Variants in RIMS2 observed in about 807,000 individuals in gnomAD.
RIMS2 encodes the protein regulating synaptic membrane exocytosis 2, also known as regulating synaptic membrane exocytosis protein 2.
Under a neutral mutation model 174.4 loss-of-function variants are expected in RIMS2, and 59 were observed. The ratio of observed to expected loss-of-function variants is 0.34; its 90% CI spans 0.27 to 0.42. The LOEUF (loss-of-function observed/expected upper bound fraction) is 0.42, where lower values mean the gene tolerates loss of function less well. RIMS2 is among the 10% of genes least tolerant of loss of function. The pLI, the probability that RIMS2 is intolerant of heterozygous loss-of-function variation, is 1.00. For missense variants in RIMS2, 1,620 were observed against 1,666.3 expected, an observed-to-expected ratio of 0.97 and a Z score of 0.48; for synonymous variants, 606 against 572.5, an observed-to-expected ratio of 1.06 and a Z score of -0.84.
At chr8:103,965,137 C>T (rs1405924693) in intron 15 of RIMS2, among the ~76,000 whole-genome samples, 1 of 152,084 alleles carries the variant, frequency 6.6e-6, no homozygotes, top group Non-Finnish European at 1.5e-5. Context: ...GTTGAATCTT[C>T]TGTCTTTTAC....
chr8:103,570,840 T>C (rs568359053), intron 1 of RIMS2, among the ~76,000 whole-genome samples: 26 of 152,162 alleles, frequency 1.7e-4, no homozygotes, highest in Admixed American at 3.3e-4. Flanking sequence ...GAGAACTCAA[T>C]ATTTCCAGAT....
At chr8:103,715,939 A>AT (rs1200078534) in intron 2 of RIMS2, among the ~76,000 whole-genome samples, 1 of 151,808 alleles carries the variant, frequency 6.6e-6, no homozygotes, top group Admixed American at 6.6e-5. Context: ...TTTCTTAAAC[A>AT]TTTTTCAGTT....
intron 19 of RIMS2, among the ~76,000 whole-genome samples, chr8:104,165,725 GTTAGT>G (rs1050452266): frequency 6.6e-6 from 1 of 151,530 alleles, no homozygotes; most frequent in Non-Finnish European, 1.5e-5. Context: ...ATATACTAAG[GTTAGT>G]TTAGATTCCA....
At chr8:103,728,490 C>T (rs992855596) in intron 2 of RIMS2, among the ~76,000 whole-genome samples, 2 of 152,006 alleles carry the variant, frequency 1.3e-5, no homozygotes, top group Non-Finnish European at 2.9e-5. Context: ...TGGAAGTGGT[C>T]ATTCTTGTCT....
chr8:104,093,024 C>T (rs13277316), intron 19 of RIMS2, among the ~76,000 whole-genome samples: 35,682 of 151,708 alleles, frequency 0.24, 4,499 homozygotes, highest in African/African-American at 0.33. Flanking sequence ...TCTTTTCTCT[C>T]GGCTTTTCTA....
At chr8:104,030,559 C>A (rs888188267) in intron 19 of RIMS2, among the ~76,000 whole-genome samples, 4 of 152,112 alleles carry the variant, frequency 2.6e-5, no homozygotes, top group African/African-American at 9.7e-5. Context: ...TCAATCTTAT[C>A]TATTACTTTT....
At chr8:103,975,233 T>A in intron 15 of RIMS2, 117 bp from the exon 18 acceptor site, 2 of 580,252 alleles carry the variant, frequency 3.4e-6, no homozygotes, top group Non-Finnish European at 6.0e-6. Flanking sequence ...ATACTTTATA[T>A]TTAATATATT....
At chr8:103,830,381 AAT>A (rs1238106611) in intron 3 of RIMS2, among the ~76,000 whole-genome samples, 1 of 152,146 alleles carries the variant, frequency 6.6e-6, no homozygotes, top group African/African-American at 2.4e-5. Flanking sequence ...TTAAAAATAA[AAT>A]ATCTTATTAT....
intron 4 of RIMS2, among the ~76,000 whole-genome samples, chr8:103,892,216 T>A (rs1594677357): frequency 6.6e-6 from 1 of 151,666 alleles, no homozygotes; most frequent in African/African-American, 2.4e-5. Context: ...TTTTTTTTTT[T>A]AATTTGAGAC....
Position 103,695,573 on chromosome 8 carries a change from T to A in RIMS2, c.177-1513T>A, listed in dbSNP as rs190196064. Among the ~76,000 whole-genome samples, 6 of 152,056 alleles carry A rather than the reference T, an allele frequency of 3.9e-5. No homozygotes were observed. The East Asian group carries it at 1.2e-3, about 29-fold the overall frequency. Reference sequence around the variant, plus strand: ...TTTCAAGAACTTCTTTTAAGTTCCATGCAGTGAAGGTCTACTGCCAATGAA... The same window carrying A: ...TTTCAAGAACTTCTTTTAAGTTCCAAGCAGTGAAGGTCTACTGCCAATGAA... On this transcript the variant is annotated intron_variant, in intron 1 of 23. Transcript: ENST00000504942.
At chr8:104,065,276 A>G (rs1196248681) in intron 19 of RIMS2, among the ~76,000 whole-genome samples, 2 of 152,136 alleles carry the variant, frequency 1.3e-5, no homozygotes, top group Non-Finnish European at 2.9e-5. Context: ...TATATAGGAT[A>G]TCAGAGCTGA....
Position 103,811,764 on chromosome 8 carries a change from T to A in RIMS2, c.698+45227T>A, listed in dbSNP as rs565655233. The stretch of plus-strand genomic sequence containing the variant: ...CCCAGCTGTTGCGAGGTTTTAGGTG[T>A]GGGAACTGCTCTTGCAAAACCTGCT... On this transcript the variant is annotated intron_variant, in intron 3 of 23. Coordinates refer to ENST00000504942, the Ensembl canonical transcript of RIMS2. Among the ~76,000 whole-genome samples the A allele has an allele frequency of 1.5e-4, 23 of 152,342 alleles. No homozygotes were observed. In the East Asian group the frequency reaches 4.2e-3, roughly 28 times the overall value.
At chr8:103,837,014 G>T (rs561158485) in intron 3 of RIMS2, among the ~76,000 whole-genome samples, 2 of 152,214 alleles carry the variant, frequency 1.3e-5, no homozygotes, top group African/African-American at 4.8e-5. Flanking sequence ...TTTTTATGAC[G>T]GTTAATACAA....
intron 1 of RIMS2, among the ~76,000 whole-genome samples, chr8:103,640,658 A>AT (rs2096209259): frequency 6.6e-6 from 1 of 151,826 alleles, no homozygotes. Context: ...ATATTTTGAG[A>AT]TTTTTCACTA....
At position 104,090,198 on chromosome 8, in the gene RIMS2, A is replaced by T. The variant is rs1235853006; in HGVS notation, c.3334+75583A>T. Reference sequence around the variant, plus strand: ...ACCTTTACACTATTATAACGCTGTGAAAAAAGGCATAAAACTACAGTATAG... The same window carrying T: ...ACCTTTACACTATTATAACGCTGTGTAAAAAGGCATAAAACTACAGTATAG... On this transcript the variant is annotated intron_variant, in intron 19 of 23. Transcript: ENST00000504942. Among the ~76,000 whole-genome samples the T allele has an allele frequency of 1.6e-4, 25 of 151,762 alleles. 1 individual carries two copies.
At chr8:103,686,487 G>A (rs796799603) in intron 1 of RIMS2, among the ~76,000 whole-genome samples, 1 of 152,236 alleles carries the variant, frequency 6.6e-6, no homozygotes, top group African/African-American at 2.4e-5. Flanking sequence ...TGCCTTTACT[G>A]TGCTAAGGAA....
At chr8:104,167,974 A>G (rs1180954936) in intron 19 of RIMS2, among the ~76,000 whole-genome samples, 3 of 151,994 alleles carry the variant, frequency 2.0e-5, no homozygotes, top group South Asian at 2.1e-4. Context: ...TTAGTTGGCT[A>G]TAAGTATTTG....
At chr8:103,877,323 G>T (rs979794586) in intron 3 of RIMS2, among the ~76,000 whole-genome samples, 1 of 151,744 alleles carries the variant, frequency 6.6e-6, no homozygotes, top group Non-Finnish European at 1.5e-5. Context: ...TTTTTCATAT[G>T]TCTGTTGGCC....
rs186915714 is a variant in RIMS2, at chr8:104,138,841, C to A, written c.3335-106075C>A. Among the ~76,000 whole-genome samples, 75 of 152,238 alleles carry A rather than the reference C, an allele frequency of 4.9e-4. 1 individual carries two copies. The highest frequency in any genetic ancestry group is 1.8e-3 in the African/African-American group (73 of 41,550). ...AGGTATTACTCGAGAAATCTTTGCC[C>A]AGACCAGTGTCCTGGAGAGTTTCCC... On this transcript the variant is annotated intron_variant, in intron 19 of 23. Coordinates refer to ENST00000504942, the Ensembl canonical transcript of RIMS2.
Sources: allele counts gnomAD v4.1 joint callset (sites outside exome capture counted in the v4.1 genomes callset), GRCh38; gene constraint gnomAD v4.1.1; transcripts MANE v1.5; gene names NCBI Gene and HGNC (gene_info 2026-07-23, HGNC 2026-07-21).